UNC13B: variants seen among roughly 807,000 people sequenced by gnomAD.
The protein encoded by UNC13B is unc-13 homolog B.
UNC13B carries 144 observed loss-of-function variants against 211.0 expected under a neutral mutation model. That is an observed-to-expected ratio of 0.68 (90% confidence interval 0.60 to 0.78). UNC13B has a LOEUF of 0.78. UNC13B is among the 30% of genes least tolerant of loss of function. The probability of loss-of-function intolerance (pLI) is 0.00; values close to 1 mark genes in which losing one functional copy is unlikely to be tolerated. For synonymous variants in UNC13B, 709 were observed against 725.8 expected (o/e 0.98, Z 0.37); for missense variants, 1,777 against 2,002.0 (o/e 0.89, Z 2.14).
chr9:35,310,787 C>CA lies in UNC13B; in HGVS notation c.9323+8dup. 1 of 1,611,388 alleles carries CA rather than the reference C, an allele frequency of 6.2e-7. No individual in the cohort carries two copies. The highest frequency in any genetic ancestry group is 8.5e-7 in the Non-Finnish European group (1 of 1,178,628). ...TTCCTAGGTCCCCAGGAGAGGTAGG[C>CA]AACAGCTGCCTTGAGGAGCTCACAT... On this transcript the variant is annotated splice_region_variant and intron_variant, in intron 10 of 39. Transcript: ENST00000635942.
intron 27 of UNC13B, 31 bp downstream of exon 27, chr9:35,396,633 A>G: frequency 6.2e-7 from 1 of 1,612,748 alleles, no homozygotes; most frequent in Non-Finnish European, 8.5e-7. Flanking sequence ...TACAGAGGGA[A>G]GGGAGCCCTC....
intron 11 of UNC13B, among the ~76,000 whole-genome samples, chr9:35,350,708 A>AT (rs1421492573): frequency 1.3e-5 from 2 of 150,636 alleles, no homozygotes; most frequent in African/African-American, 5.0e-5. Flanking sequence ...GTAAAGAAAT[A>AT]TTTTTCCTGC....
intron 11 of UNC13B, among the ~76,000 whole-genome samples, chr9:35,326,286 T>G (rs528046310): frequency 6.6e-6 from 1 of 152,214 alleles, no homozygotes; most frequent in South Asian, 2.1e-4. Context: ...TTTAGTAGTC[T>G]CCTCTTAAAC....
At chr9:35,204,082 G>A (rs919614563) in intron 1 of UNC13B, among the ~76,000 whole-genome samples, 4 of 152,236 alleles carry the variant, frequency 2.6e-5, no homozygotes, top group Non-Finnish European at 4.4e-5. Flanking sequence ...GGCATCTCTA[G>A]CACCAGCTGG....
At chr9:35,220,252 A>G (rs968232479) in intron 1 of UNC13B, among the ~76,000 whole-genome samples, 1 of 151,460 alleles carries the variant, frequency 6.6e-6, no homozygotes, top group Admixed American at 6.6e-5. Flanking sequence ...TAAATGGGGT[A>G]TCTATCACCT....
intron 1 of UNC13B, among the ~76,000 whole-genome samples, chr9:35,200,291 T>C (rs1399938594): frequency 4.6e-5 from 7 of 152,238 alleles, no homozygotes; most frequent in Non-Finnish European, 1.0e-4. Context: ...CTTTGTTCTT[T>C]TGGCTTAGGA....
At chr9:35,357,036 C>G (rs780723775) in intron 11 of UNC13B, among the ~76,000 whole-genome samples, 1 of 152,142 alleles carries the variant, frequency 6.6e-6, no homozygotes, top group African/African-American at 2.4e-5. Context: ...AATAATGCTG[C>G]TATGAACATT....
At position 35,305,480 on chromosome 9, in the gene UNC13B, G is replaced by C. The variant is rs1829879919; in HGVS notation, c.6076G>C (p.Gly2026Arg). The change falls in exon 9 of 40, where the codon GGT (glycine) becomes CGT (arginine). Residue 2026 changes from glycine (G) to arginine (R), a missense_variant. Coordinates refer to ENST00000635942, the MANE Select transcript of UNC13B (RefSeq NM_001371189.2). The stretch of plus-strand genomic sequence containing the variant: ...TACTCCTATGGAGCTAGCTAGCCAG[G>C]GTGCTGGGAACTTTCCTGCTGCACC... ...SPTPMELASQ[G>R]AGNFPAAPIS... is the part of the protein sequence containing the mutation. The C allele has an allele frequency of 5.0e-6, 2 of 398,948 alleles. No homozygotes were observed. The highest frequency in any genetic ancestry group is 8.8e-6 in the Non-Finnish European group (2 of 226,012). The allele number at this position is 398,948 out of a possible 1,614,324, so 24.7% of individuals were successfully genotyped here.
chr9:35,377,777 G>A, intron 16 of UNC13B, 82 bp downstream of exon 16: 4 of 1,387,460 alleles, frequency 2.9e-6, no homozygotes, highest in Non-Finnish European at 4.0e-6. Flanking sequence ...GAGCGTGAGG[G>A]AGCAAGGGAT....
chr9:35,386,773 TG>T (rs1340094744), intron 24 of UNC13B, among the ~76,000 whole-genome samples: 1 of 152,170 alleles, frequency 6.6e-6, no homozygotes, highest in African/African-American at 2.4e-5. Context: ...ATTCATCCAC[TG>T]GCTATCAAGA....
chr9:35,390,600 C>T (rs890884025), intron 25 of UNC13B, 29 bp from the exon 26 acceptor site: 4 of 1,611,388 alleles, frequency 2.5e-6, no homozygotes, highest in African/African-American at 2.7e-5. Flanking sequence ...TTGCCTTATT[C>T]TCTGACTGTG....
chr9:35,299,667 T>C (rs1180144905), intron 8 of UNC13B, among the ~76,000 whole-genome samples: 1 of 152,230 alleles, frequency 6.6e-6, no homozygotes, highest in Non-Finnish European at 1.5e-5. Context: ...TTGACTACAT[T>C]GATATAATAT....
At chr9:35,183,429 A>G (rs1262175677) in intron 1 of UNC13B, among the ~76,000 whole-genome samples, 1 of 74,146 alleles carries the variant, frequency 1.3e-5, no homozygotes, top group Non-Finnish European at 2.6e-5. Context: ...TCCCAGATGA[A>G]GGGCGGCCGG....
intron 24 of UNC13B, 43 bp from the exon 25 acceptor site, chr9:35,389,803 C>G (rs960765397): frequency 6.2e-7 from 1 of 1,609,076 alleles, no homozygotes; most frequent in Non-Finnish European, 8.5e-7. Flanking sequence ...ACATTCTACT[C>G]TGACTCTTTC....
intron 11 of UNC13B, among the ~76,000 whole-genome samples, chr9:35,350,437 A>T (rs1832645060): frequency 6.6e-6 from 1 of 152,202 alleles, no homozygotes; most frequent in Non-Finnish European, 1.5e-5. Context: ...GTGCTGGACA[A>T]TCACTTATTG....
intron 38 of UNC13B, 66 bp from the exon 39 acceptor site, chr9:35,403,374 T>A: frequency 1.9e-6 from 3 of 1,603,782 alleles, no homozygotes; most frequent in Non-Finnish European, 2.6e-6. Flanking sequence ...AAGGGGAAGG[T>A]CACCTGGGGT....
intron 22 of UNC13B, chr9:35,385,450 G>A (rs893693113): frequency 1.0e-6 from 1 of 985,314 alleles, no homozygotes; most frequent in Non-Finnish European, 1.2e-6. Context: ...GTGTTCCTTT[G>A]TACAAGTGCT....
chr9:35,297,561 T>TTTTTGTTTTTTTGTTTTTTTG lies in UNC13B; in HGVS notation c.761+1635_761+1636insGTTTTTTTGTTTTTTTGTTTT, dbSNP rs1554698737. ...ACATACTTTGTCTTTTTTTTTTTTT[T>TTTTTGTTTTTTTGTTTTTTTG]TTTTTTGAGACGGAGTCTCGCTCTT... On this transcript the variant is annotated intron_variant, in intron 8 of 39. Transcript: ENST00000635942. 5.5e-3 allele frequency among the ~76,000 whole-genome samples: 708 copies of TTTTTGTTTTTTTGTTTTTTTG among 128,200 alleles called. 15 individuals are homozygous for TTTTTGTTTTTTTGTTTTTTTG. Among genetic ancestry groups the TTTTTGTTTTTTTGTTTTTTTG allele is most frequent in the African/African-American group, 0.018 (607 of 34,116 alleles). The allele number at this position is 128,200 out of a possible 152,430, so 84.1% of individuals were successfully genotyped here.
At chr9:35,257,347 AAAAATATTTATATAAATATTTAT>A (rs202226008) in intron 6 of UNC13B, among the ~76,000 whole-genome samples, 60,430 of 112,530 alleles carry the variant, frequency 0.54, 16,943 homozygotes, top group South Asian at 0.67. Flanking sequence ...AAATATTTAT[AAAAATATTTATATAAATATTTAT>A]AAAATATTTA....
Sources: gnomAD v4.1 joint callset for allele counts (sites outside exome capture counted in the v4.1 genomes callset) on GRCh38, gnomAD v4.1.1 for gene constraint, MANE v1.5 for transcripts, NCBI Gene and HGNC (gene_info 2026-07-23, HGNC 2026-07-21) for gene names.